The following KALRN variants were observed in gnomAD, a reference collection of about 807,000 sequenced individuals.
KALRN encodes the protein kalirin RhoGEF kinase, also known as kalirin.
KALRN carries 70 observed loss-of-function variants against 353.7 expected under a neutral mutation model. The ratio of observed to expected loss-of-function variants is 0.20; its 90% confidence interval spans 0.16 to 0.24. KALRN has a LOEUF of 0.24. Among genes scored for constraint, KALRN ranks in the 10% least tolerant of loss-of-function variants. KALRN has a pLI of 1.00. For missense variants in KALRN, 2,791 were observed against 3,756.7 expected (o/e 0.74, Z 6.72); for synonymous variants, 1,391 against 1,434.8 (o/e 0.97, Z 0.69).
intron 25 of KALRN, 138 bp from the exon 26 acceptor site, chr3:124,474,525 C>A: frequency 1.5e-6 from 1 of 663,590 alleles, no homozygotes; most frequent in Non-Finnish European, 2.7e-6. Flanking sequence ...AAAAACTGCA[C>A]CTCACCATCT....
chr3:124,298,593 G>A (rs534459253), intron 5 of KALRN, among the ~76,000 whole-genome samples, 198 bp from the exon 6 acceptor site: 2 of 152,088 alleles, frequency 1.3e-5, no homozygotes, highest in South Asian at 4.2e-4. Flanking sequence ...CTGCTGGTGG[G>A]GTCTTACGCT....
At chr3:124,436,416 G>A (rs1018153997) in intron 17 of KALRN, among the ~76,000 whole-genome samples, 5 of 152,338 alleles carry the variant, frequency 3.3e-5, no homozygotes, top group African/African-American at 9.6e-5. Context: ...GTTTTTACAT[G>A]TCTTTAAGCT....
rs895553781 is a variant in KALRN at position 124,234,947 on chromosome 3, A to C, written c.263+4A>C. The C allele has an allele frequency of 1.3e-6, 2 of 1,586,534 alleles. No individual in the cohort carries two copies. Reference sequence around the variant, plus strand: ...CGTATTTGGCCAGCGTGCCAAGGTAAGGGGAAGGGGAATGGCCTGCAGGGG... The same window carrying C: ...CGTATTTGGCCAGCGTGCCAAGGTACGGGGAAGGGGAATGGCCTGCAGGGG... On this transcript the variant is annotated splice_donor_region_variant and intron_variant, in intron 3 of 59. Coordinates refer to ENST00000682506, the MANE Select transcript of KALRN (RefSeq NM_001388419.1).
rs142798006 is a variant in KALRN, at chr3:124,118,732, T to C, written c.73+84919T>C. Among the ~76,000 whole-genome samples, 1,069 of 152,380 alleles carry C rather than the reference T, an allele frequency of 7.0e-3. 12 individuals carry two copies. The highest frequency in any genetic ancestry group is 0.024 in the African/African-American group (1,014 of 41,600). ...CATATTTTTATAACGATGTCTTACT[T>C]GAACATTTATTATATACCAGATTTG... On this transcript the variant is annotated intron_variant, in intron 1 of 59. Coordinates refer to ENST00000682506, the MANE Select transcript of KALRN (RefSeq NM_001388419.1).
At chr3:124,155,097 C>T (rs2068780688) in intron 1 of KALRN, among the ~76,000 whole-genome samples, 1 of 152,130 alleles carries the variant, frequency 6.6e-6, no homozygotes, top group South Asian at 2.1e-4. Flanking sequence ...ACACCTTATA[C>T]AAAAATTAAT....
chr3:124,333,647 G>A (rs2080829071), intron 8 of KALRN, among the ~76,000 whole-genome samples: 1 of 152,142 alleles, frequency 6.6e-6, no homozygotes, highest in African/African-American at 2.4e-5. Context: ...AAGCACTTTG[G>A]GAGGCTGAGG....
At chr3:124,461,818 G>T in intron 23 of KALRN, 72 bp from the exon 24 acceptor site, 1 of 1,042,674 alleles carries the variant, frequency 9.6e-7, no homozygotes, top group South Asian at 1.3e-5. Context: ...ATGCTGGGGT[G>T]GGGAAGTGAA....
At chr3:124,246,298 C>G (rs1408818626) in intron 3 of KALRN, among the ~76,000 whole-genome samples, 1 of 152,232 alleles carries the variant, frequency 6.6e-6, no homozygotes, top group African/African-American at 2.4e-5. Context: ...TGTACCTAAA[C>G]CTTATCCTGA....
Position 124,719,694 on chromosome 3 carries a change from G to A in KALRN, c.*224G>A, listed in dbSNP as rs1324658905. On this transcript the variant is annotated 3_prime_UTR_variant, in exon 60 of 60. Coordinates refer to ENST00000682506, the MANE Select transcript of KALRN (RefSeq NM_001388419.1). This position sits in a 1 kb window ranked among gnomAD's most constrained non-coding sequence, Gnocchi z 5.3. ...AAGGTCATTCTGAAGAAATAAAGAGGCAAAGGGTCACAGAAGTGTTCAGAA... is the reference window on the plus strand; with the variant it reads ...AAGGTCATTCTGAAGAAATAAAGAGACAAAGGGTCACAGAAGTGTTCAGAA... The A allele has an allele frequency of 1.3e-5, 7 of 522,620 alleles. No individual in the cohort carries two copies. The highest frequency in any genetic ancestry group is 2.4e-5 in the Non-Finnish European group (7 of 292,212). 32.4% of individuals were successfully genotyped at this position (522,620 alleles called of 1,614,324 possible).
intron 37 of KALRN, among the ~76,000 whole-genome samples, chr3:124,639,599 G>T (rs1578557642): frequency 6.6e-6 from 1 of 152,250 alleles, no homozygotes; most frequent in East Asian, 1.9e-4. Context: ...GTGATCGATG[G>T]TGTTAAACAT....
At position 124,694,314 on chromosome 3, in the gene KALRN, AT is replaced by A; in HGVS notation, c.7406-17del. On this transcript the variant is annotated splice_polypyrimidine_tract_variant and intron_variant, in intron 52 of 59. Coordinates refer to ENST00000682506, the MANE Select transcript of KALRN (RefSeq NM_001388419.1). Reference sequence around the variant, plus strand: ...AATTTGCTCTGAATGATGTTAATGTATGTTGATTTGATCACAGTGGCCCCAG... The same window carrying A: ...AATTTGCTCTGAATGATGTTAATGTAGTTGATTTGATCACAGTGGCCCCAG... The A allele has an allele frequency of 6.2e-7, 1 of 1,612,110 alleles. No individual in the cohort carries two copies.
At chr3:124,098,743 CT>C (rs2149410334) in intron 1 of KALRN, among the ~76,000 whole-genome samples, 1 of 152,186 alleles carries the variant, frequency 6.6e-6, no homozygotes, top group African/African-American at 2.4e-5. Context: ...CTTCTTTTTT[CT>C]TTTTCTCCTA....
At chr3:124,552,239 G>A (rs1359477566) in intron 33 of KALRN, among the ~76,000 whole-genome samples, 1 of 152,134 alleles carries the variant, frequency 6.6e-6, no homozygotes, top group Admixed American at 6.5e-5. Context: ...TTCTGAACAC[G>A]AATCTGTAAG....
At chr3:124,540,440 A>G (rs2068920954) in intron 33 of KALRN, among the ~76,000 whole-genome samples, 1 of 151,948 alleles carries the variant, frequency 6.6e-6, no homozygotes, top group Non-Finnish European at 1.5e-5. Context: ...CTCATTTGGG[A>G]GTTTTTTAGA....
In KALRN at chr3:124,725,140, C is replaced by T. The variant is rs553129033; in HGVS notation, c.*5670C>T. 1 of 152,266 alleles carries T rather than the reference C, an allele frequency of 6.6e-6. No individual in the cohort carries two copies. The highest frequency in any genetic ancestry group is 6.5e-5 in the Admixed American group (1 of 15,292). 9.4% of individuals were successfully genotyped at this position (152,266 alleles called of 1,614,324 possible). A position where few individuals can be genotyped will look rare whatever the true frequency, so the allele number is the denominator to read the frequency against. ...TGAGTTTCCATCAATACCTGACTTC[C>T]ATCAACAACTGAATCCATGTTCTGG... On this transcript the variant is annotated 3_prime_UTR_variant, in exon 60 of 60. Transcript: ENST00000682506.
At chr3:124,274,305 C>A (rs1392186954) in intron 5 of KALRN, among the ~76,000 whole-genome samples, 1 of 152,216 alleles carries the variant, frequency 6.6e-6, no homozygotes, top group African/African-American at 2.4e-5. Flanking sequence ...TGATAAGTAT[C>A]AGAAAATATC....
intron 1 of KALRN, among the ~76,000 whole-genome samples, chr3:124,190,554 G>A (rs186815726): frequency 3.5e-4 from 54 of 152,230 alleles, no homozygotes; most frequent in Admixed American, 8.5e-4. Context: ...ATTTTGCACC[G>A]CAAGAATTCA....
Position 124,406,768 on chromosome 3 carries a change from T to C in KALRN, c.2347-6702T>C, listed in dbSNP as rs545936781. Among the ~76,000 whole-genome samples the C allele has an allele frequency of 3.3e-5, 5 of 152,122 alleles. No homozygotes were observed. In the East Asian group the frequency reaches 9.7e-4, roughly 29 times the overall value. Reference sequence around the variant, plus strand: ...AAGTGTGTAGTATTTTGAGTTAGACTGCCTGGGTTTGAAACCTGTTTTACT... The same window carrying C: ...AAGTGTGTAGTATTTTGAGTTAGACCGCCTGGGTTTGAAACCTGTTTTACT... On this transcript the variant is annotated intron_variant, in intron 13 of 59. Transcript: ENST00000682506.
chr3:124,308,257 G>A (rs1350393011), intron 6 of KALRN, among the ~76,000 whole-genome samples: 2 of 151,858 alleles, frequency 1.3e-5, no homozygotes, highest in African/African-American at 4.8e-5. Flanking sequence ...ATAATGGATG[G>A]AACAAATTAG....
Sources: gnomAD v4.1 joint callset for allele counts (sites outside exome capture counted in the v4.1 genomes callset) on GRCh38, gnomAD v4.1.1 for gene constraint, Gnocchi (gnomAD v3.1) non-coding constraint, MANE v1.5 for transcripts, NCBI Gene and HGNC (gene_info 2026-07-23, HGNC 2026-07-21) for gene names.